RBMS3: variants seen among roughly 807,000 people sequenced by gnomAD.
RBMS3 encodes RNA binding motif single stranded interacting protein 3, also known as RNA-binding motif, single-stranded-interacting protein 3.
A neutral mutation model predicts 66.8 loss-of-function variants in RBMS3; 27 were observed. The ratio of observed to expected loss-of-function variants is 0.40; its 90% confidence interval spans 0.30 to 0.56. The LOEUF is 0.56. Ranked by LOEUF, RBMS3 falls within the 20% of genes least tolerant of loss-of-function variation. The pLI, the probability that RBMS3 is intolerant of heterozygous loss-of-function variation, is 0.40. For missense variants in RBMS3, 513 were observed against 549.5 expected (o/e 0.93, Z 0.66); for synonymous variants, 188 against 183.0 (o/e 1.03, Z -0.22).
chr3:29,601,308 TATG>T (rs1265500789), intron 4 of RBMS3, among the ~76,000 whole-genome samples: 4 of 152,028 alleles, frequency 2.6e-5, no homozygotes, highest in Non-Finnish European at 5.9e-5. Flanking sequence ...TATAATTCTT[TATG>T]CTGAATCTAA....
intron 3 of RBMS3, among the ~76,000 whole-genome samples, chr3:29,520,391 A>G (rs2044809469): frequency 6.6e-6 from 1 of 152,178 alleles, no homozygotes; most frequent in Non-Finnish European, 1.5e-5. Flanking sequence ...AAAATTTGAA[A>G]TATTTGGGGC....
At position 29,875,152 on chromosome 3, in the gene RBMS3, G is replaced by C. The variant is rs147664429; in HGVS notation, c.744+6188G>C. Among the ~76,000 whole-genome samples, 15 of 152,278 alleles carry C rather than the reference G, an allele frequency of 9.9e-5. No individual in the cohort carries two copies. In the Middle Eastern group the frequency reaches 0.01, roughly 104 times the overall value. On this transcript the variant is annotated intron_variant, in intron 7 of 14. Transcript: ENST00000383767. ...CAACTATATGTGGCACCTACCAACT[G>C]GGAGATTTCTGGAGTTGTTGGTAGT...
intron 5 of RBMS3, 133 bp downstream of exon 5, chr3:29,740,010 T>C: frequency 1.4e-6 from 1 of 689,686 alleles, no homozygotes; most frequent in Non-Finnish European, 2.2e-6. Flanking sequence ...GCTTATCAAA[T>C]CTGTCATCCC....
At chr3:29,754,614 C>T (rs1423856319) in intron 5 of RBMS3, among the ~76,000 whole-genome samples, 1 of 152,138 alleles carries the variant, frequency 6.6e-6, no homozygotes, top group East Asian at 1.9e-4. Flanking sequence ...ACCTGAGTCA[C>T]CAAAATGTCA....
chr3:29,419,421 T>C (rs983512670), intron 1 of RBMS3, among the ~76,000 whole-genome samples: 25 of 152,190 alleles, frequency 1.6e-4, no homozygotes, highest in Admixed American at 1.6e-3. Flanking sequence ...ATTTTACACA[T>C]GTTATAGTGT....
chr3:29,375,319 C>G (rs1052627123), intron 1 of RBMS3, among the ~76,000 whole-genome samples: 1 of 152,084 alleles, frequency 6.6e-6, no homozygotes, highest in Non-Finnish European at 1.5e-5. Flanking sequence ...ATGATGAAGA[C>G]ACCAAAAGCA....
intron 1 of RBMS3, among the ~76,000 whole-genome samples, chr3:29,321,829 T>C (rs2125492342): frequency 6.6e-6 from 1 of 152,196 alleles, no homozygotes; most frequent in South Asian, 2.1e-4. Context: ...AAGTCCTGAG[T>C]TATGGGCACA....
At position 29,804,423 on chromosome 3, in the gene RBMS3, C is replaced by G. The variant is rs549192775; in HGVS notation, c.637+41434C>G. Among the ~76,000 whole-genome samples, 7 of 152,010 alleles carry G rather than the reference C, an allele frequency of 4.6e-5. No homozygotes were observed. The South Asian group carries it at 1.0e-3, about 23-fold the overall frequency. On this transcript the variant is annotated intron_variant, in intron 6 of 14. Coordinates refer to ENST00000383767, the MANE Select transcript of RBMS3 (RefSeq NM_001003793.3). ...TGCTTTAATGTTTTTTGAATACATG[C>G]CAAGTAACTCAGAGGTACCTTGAGC...
At chr3:29,445,501 T>C (rs1404385644) in intron 2 of RBMS3, among the ~76,000 whole-genome samples, 1 of 152,158 alleles carries the variant, frequency 6.6e-6, no homozygotes, top group Non-Finnish European at 1.5e-5. Context: ...GCTAATTCTA[T>C]GTCTAATTTA....
chr3:29,865,452 G>A (rs1414214238), intron 6 of RBMS3, among the ~76,000 whole-genome samples: 1 of 152,144 alleles, frequency 6.6e-6, no homozygotes, highest in Non-Finnish European at 1.5e-5. Context: ...TTACAACTTG[G>A]AAAAGAAACC....
chr3:29,809,371 A>G (rs2057658658), intron 6 of RBMS3, among the ~76,000 whole-genome samples: 1 of 151,672 alleles, frequency 6.6e-6, no homozygotes, highest in Admixed American at 6.6e-5. Context: ...AAAATACCTA[A>G]GTCTTACTTT....
intron 10 of RBMS3, among the ~76,000 whole-genome samples, chr3:29,905,321 TA>T (rs2060350496): frequency 6.6e-6 from 1 of 152,084 alleles, no homozygotes; most frequent in South Asian, 2.1e-4. Flanking sequence ...ACTATAGATT[TA>T]AAATGCCATA....
rs1053689106 is a variant in RBMS3, at chr3:30,005,678, G to T, written c.*1816G>T. ...CCTTGGTTTTGCAAATGGGGAGGGG[G>T]TATCATCTTTTTGCCTGTTTTCACT... On this transcript the variant is annotated 3_prime_UTR_variant, in exon 15 of 15. Coordinates refer to ENST00000383767, the MANE Select transcript of RBMS3 (RefSeq NM_001003793.3). 1 of 151,728 alleles carries T rather than the reference G, an allele frequency of 6.6e-6. No homozygotes were observed. The highest frequency in any genetic ancestry group is 2.4e-5 in the African/African-American group (1 of 41,350). The allele number at this position is 151,728 out of a possible 1,614,324, so 9.4% of individuals were successfully genotyped here.
At chr3:29,884,470 C>T (rs760433854) in intron 8 of RBMS3, among the ~76,000 whole-genome samples, 766 of 70,530 alleles carry the variant, frequency 0.011, 10 homozygotes, top group Non-Finnish European at 0.019. Flanking sequence ...CTCTCTCTCT[C>T]CCCCCCCGCT....
chr3:29,569,757 A>T (rs1428103512), intron 3 of RBMS3, among the ~76,000 whole-genome samples: 1 of 152,190 alleles, frequency 6.6e-6, no homozygotes, highest in African/African-American at 2.4e-5. Flanking sequence ...ATCATTCTCT[A>T]AAGTCTAGGA....
At chr3:29,770,248 A>C (rs1208095301) in intron 6 of RBMS3, among the ~76,000 whole-genome samples, 1 of 151,992 alleles carries the variant, frequency 6.6e-6, no homozygotes, top group Non-Finnish European at 1.5e-5. Context: ...GTCTTGAGAA[A>C]AAACAAAAAA....
intron 1 of RBMS3, among the ~76,000 whole-genome samples, chr3:29,401,253 A>G (rs1221550914): frequency 1.3e-5 from 2 of 152,124 alleles, no homozygotes; most frequent in Non-Finnish European, 1.5e-5. Flanking sequence ...AATAGCTCAC[A>G]TTAATATTAT....
chr3:29,386,226 C>T (rs780249127), intron 1 of RBMS3, among the ~76,000 whole-genome samples: 22 of 151,934 alleles, frequency 1.4e-4, no homozygotes, highest in Non-Finnish European at 2.5e-4. Flanking sequence ...CATGACCACT[C>T]GCTTACCTTA....
intron 2 of RBMS3, among the ~76,000 whole-genome samples, chr3:29,473,006 C>T (rs1575926238): frequency 6.6e-6 from 1 of 151,046 alleles, no homozygotes; most frequent in South Asian, 2.1e-4. Flanking sequence ...CAAAGGTTCT[C>T]CACGTCCCCA....
Sources: gnomAD v4.1 joint callset for allele counts (sites outside exome capture counted in the v4.1 genomes callset) on GRCh38, gnomAD v4.1.1 for gene constraint, MANE v1.5 for transcripts, NCBI Gene and HGNC (gene_info 2026-07-23, HGNC 2026-07-21) for gene names.